Variants in CDH22 observed in about 807,000 individuals in gnomAD.
The protein encoded by CDH22 is cadherin 22, also known as cadherin-22.
In CDH22, 30 loss-of-function variants were observed where a neutral mutation model predicts 58.4. That is an observed-to-expected ratio of 0.51 (90% confidence interval 0.38 to 0.70). The LOEUF is 0.70. Ranked by LOEUF, CDH22 falls within the 30% of genes least tolerant of loss-of-function variation. The pLI is 0.00. For missense variants in CDH22, 1,014 were observed against 1,233.9 expected, an observed-to-expected ratio of 0.82 and a Z score of 2.67; for synonymous variants, 513 against 558.2, an observed-to-expected ratio of 0.92 and a Z score of 1.14.
At chr20:46,305,981 T>C (rs539264830) in intron 1 of CDH22, among the ~76,000 whole-genome samples, 171 of 152,278 alleles carry the variant, frequency 1.1e-3, no homozygotes, top group African/African-American at 3.9e-3. Context: ...CATCCAGAGA[T>C]CACAGCCACC....
intron 3 of CDH22, among the ~76,000 whole-genome samples, chr20:46,236,230 G>T (rs76188811): frequency 6.6e-6 from 1 of 151,862 alleles, no homozygotes; most frequent in Admixed American, 6.6e-5. Flanking sequence ...AGAAACGCTG[G>T]GGGGGACAAG....
intron 1 of CDH22, among the ~76,000 whole-genome samples, chr20:46,256,699 T>A (rs1473991932): frequency 6.6e-6 from 1 of 152,162 alleles, no homozygotes. Flanking sequence ...ATCTGACTTA[T>A]GTTTTAAAAG....
chr20:46,274,817 G>T lies in CDH22; in HGVS notation c.-399-23124C>A, dbSNP rs2086509292. ...TCAAAAACATTATGTGCAATGAAATGAGCCAGATGCAAAAAAAAAAAAACC... is the reference window on the plus strand; with the variant it reads ...TCAAAAACATTATGTGCAATGAAATTAGCCAGATGCAAAAAAAAAAAAACC... On this transcript the variant is annotated intron_variant, in intron 1 of 11. Transcript: ENST00000537909. Among the ~76,000 whole-genome samples the T allele has an allele frequency of 2.3e-5, 3 of 129,704 alleles. No individual in the cohort carries two copies. In the Admixed American group the frequency reaches 2.6e-4, roughly 11 times the overall value. The allele number at this position is 129,704 out of a possible 152,430, so 85.1% of individuals were successfully genotyped here.
chr20:46,255,514 G>A lies in CDH22; in HGVS notation c.-399-3821C>T, dbSNP rs77589708. On this transcript the variant is annotated intron_variant, in intron 1 of 11. Transcript: ENST00000537909. ...GCAGGGCAAGCCTGCCCCGCCTTGT[G>A]AGGGCACAATCTGTACTACTGTTTG... 4.9e-3 allele frequency among the ~76,000 whole-genome samples: 747 copies of A among 152,332 alleles called. 4 individuals carry two copies. Among genetic ancestry groups the A allele is most frequent in the African/African-American group, 0.017 (716 of 41,578 alleles).
In CDH22 at chr20:46,186,934, C is replaced by T; in HGVS notation, c.1437G>A (p.Gln479=). Residue 479 remains glutamine (Q), a synonymous_variant, in exon 9 of 12, where the codon CAG becomes CAA. Coordinates refer to ENST00000537909, the MANE Select transcript of CDH22 (RefSeq NM_021248.3). ...GGATCCTTAGGGATGCCCGGGATAG[C>T]TGTGCATGATTGTCTGTAATGAGAG... The part of the protein sequence containing the change: ...VLAMEADNHA[Q]LSRASLRIRI... The T allele has an allele frequency of 6.2e-7, 1 of 1,600,094 alleles. No homozygotes were observed. The highest frequency in any genetic ancestry group is 8.5e-7 in the Non-Finnish European group (1 of 1,173,232).
At chr20:46,219,071 G>A (rs1448461322) in intron 4 of CDH22, among the ~76,000 whole-genome samples, 1 of 152,216 alleles carries the variant, frequency 6.6e-6, no homozygotes, top group Non-Finnish European at 1.5e-5. Flanking sequence ...TGTATGTGTG[G>A]TGTTTGTGTG....
intron 1 of CDH22, among the ~76,000 whole-genome samples, chr20:46,258,300 C>G (rs182134875): frequency 6.6e-6 from 1 of 152,082 alleles, no homozygotes; most frequent in African/African-American, 2.4e-5. Flanking sequence ...CCCCCACCCC[C>G]CAACCGCATC....
intron 1 of CDH22, among the ~76,000 whole-genome samples, chr20:46,289,761 TG>T (rs2086592329): frequency 6.6e-6 from 1 of 152,172 alleles, no homozygotes; most frequent in Admixed American, 6.5e-5. Flanking sequence ...CTGAAGGACC[TG>T]GGGTCACCTG....
At chr20:46,177,436 TCA>T (rs1363860023) in intron 11 of CDH22, among the ~76,000 whole-genome samples, 13 of 152,156 alleles carry the variant, frequency 8.5e-5, no homozygotes, top group Non-Finnish European at 2.9e-5. Flanking sequence ...GATTTTGCTC[TCA>T]GTTTAGATTC....
At chr20:46,264,815 GCA>G (rs146980608) in intron 1 of CDH22, among the ~76,000 whole-genome samples, 17 of 150,182 alleles carry the variant, frequency 1.1e-4, no homozygotes, top group East Asian at 3.9e-4. Context: ...GTATGAGTAT[GCA>G]CACACACACA....
chr20:46,181,620 C>A (rs1361003525), intron 10 of CDH22, among the ~76,000 whole-genome samples: 4 of 143,524 alleles, frequency 2.8e-5, no homozygotes, highest in African/African-American at 5.1e-5. Context: ...TCCCTCCCTC[C>A]CTCCCTCCCT....
chr20:46,248,594 AGGTGGATCACTTG>A (rs1269215303), intron 2 of CDH22, among the ~76,000 whole-genome samples: 25 of 152,200 alleles, frequency 1.6e-4, no homozygotes, highest in Non-Finnish European at 3.1e-4. Flanking sequence ...AGGCTGAGGC[AGGTGGATCACTTG>A]AGGTCAGGAG....
intron 1 of CDH22, among the ~76,000 whole-genome samples, chr20:46,280,798 G>A (rs566685317): frequency 2.6e-5 from 4 of 152,224 alleles, no homozygotes; most frequent in Non-Finnish European, 5.9e-5. Context: ...TGTATGGTGG[G>A]CACTCAGTGA....
At chr20:46,235,010 C>T (rs1301172183) in intron 3 of CDH22, among the ~76,000 whole-genome samples, 1 of 152,230 alleles carries the variant, frequency 6.6e-6, no homozygotes. Context: ...TTGGGTGACT[C>T]ATCTTTGCAA....
At chr20:46,307,441 G>T (rs893141340) in intron 1 of CDH22, among the ~76,000 whole-genome samples, 7 of 152,214 alleles carry the variant, frequency 4.6e-5, no homozygotes, top group Admixed American at 2.0e-4. Flanking sequence ...GCCCCCGAGG[G>T]TTAGCCCTAA....
chr20:46,286,610 C>T (rs1243183835), intron 1 of CDH22, among the ~76,000 whole-genome samples: 1 of 152,188 alleles, frequency 6.6e-6, no homozygotes, highest in African/African-American at 2.4e-5. Context: ...TCCCCCGAGT[C>T]TACCAGTCAG....
At chr20:46,306,049 AC>A (rs1382803956) in intron 1 of CDH22, among the ~76,000 whole-genome samples, 9 of 152,240 alleles carry the variant, frequency 5.9e-5, no homozygotes, top group African/African-American at 2.2e-4. Flanking sequence ...TAGGGGCCAA[AC>A]TTTGTCCTCT....
At chr20:46,275,053 A>T (rs1017116067) in intron 1 of CDH22, among the ~76,000 whole-genome samples, 2 of 152,182 alleles carry the variant, frequency 1.3e-5, no homozygotes, top group African/African-American at 4.8e-5. Context: ...AACTCATTGA[A>T]TTGTGTGCTT....
chr20:46,191,634 A>C (rs1282685862), intron 8 of CDH22, among the ~76,000 whole-genome samples: 2 of 152,174 alleles, frequency 1.3e-5, no homozygotes, highest in Non-Finnish European at 2.9e-5. Context: ...TTTACTGATG[A>C]GGAAACGGGC....
Sources: gnomAD v4.1 joint callset for allele counts (sites outside exome capture counted in the v4.1 genomes callset) on GRCh38, gnomAD v4.1.1 for gene constraint, MANE v1.5 for transcripts, NCBI Gene and HGNC (gene_info 2026-07-23, HGNC 2026-07-21) for gene names.